LRRTM3: variants seen among roughly 807,000 people sequenced by gnomAD.
The protein encoded by LRRTM3 is leucine-rich repeat transmembrane neuronal protein 3.
LRRTM3 carries 24 observed loss-of-function variants against 44.7 expected under a neutral mutation model. That is an observed-to-expected ratio of 0.54 (90% CI 0.39 to 0.76). The LOEUF (loss-of-function observed/expected upper bound fraction) is 0.76, where lower values mean the gene tolerates loss of function less well. LRRTM3 is among the 30% of genes least tolerant of loss of function. The probability of loss-of-function intolerance (pLI) is 0.00; values close to 1 mark genes in which losing one functional copy is unlikely to be tolerated. For missense variants in LRRTM3, 587 were observed against 702.2 expected, an observed-to-expected ratio of 0.84 and a Z score of 1.85; for synonymous variants, 277 against 278.7, an observed-to-expected ratio of 0.99 and a Z score of 0.06.
At position 67,098,693 on chromosome 10, in the gene LRRTM3, T is replaced by A. The variant is rs1858157341; in HGVS notation, c.*897T>A. 1 of 152,330 alleles carries A rather than the reference T, an allele frequency of 6.6e-6. No homozygotes were observed. The highest frequency in any genetic ancestry group is 1.5e-5 in the Non-Finnish European group (1 of 67,928). The allele number at this position is 152,330 out of a possible 1,614,324, so 9.4% of individuals were successfully genotyped here. A position where few individuals can be genotyped will look rare whatever the true frequency, so the allele number is the denominator to read the frequency against. On this transcript the variant is annotated 3_prime_UTR_variant, in exon 3 of 3. Transcript: ENST00000361320. ...GCTGTAACCACAGCAACAGACTTTGTGATACAGTTAAAAGGTGCAGCTGCC... is the reference window on the plus strand; with the variant it reads ...GCTGTAACCACAGCAACAGACTTTGAGATACAGTTAAAAGGTGCAGCTGCC...
chr10:66,936,425 C>T (rs1340526338), intron 2 of LRRTM3, among the ~76,000 whole-genome samples: 1 of 151,956 alleles, frequency 6.6e-6, no homozygotes, highest in Non-Finnish European at 1.5e-5. Flanking sequence ...GCTGACATTC[C>T]TTCTATTTTC....
intron 2 of LRRTM3, among the ~76,000 whole-genome samples, chr10:67,022,708 C>T (rs1008807907): frequency 4.6e-5 from 7 of 152,150 alleles, no homozygotes; most frequent in Admixed American, 6.5e-5. Context: ...GAGGCCGAGG[C>T]GGGCAGATCA....
intron 2 of LRRTM3, among the ~76,000 whole-genome samples, chr10:67,091,597 C>T (rs934112265): frequency 3.3e-5 from 5 of 151,616 alleles, no homozygotes; most frequent in African/African-American, 9.7e-5. Context: ...TTATAAATGC[C>T]CAGTTTTATT....
At chr10:67,082,146 A>G (rs965120243) in intron 2 of LRRTM3, among the ~76,000 whole-genome samples, 3 of 152,174 alleles carry the variant, frequency 2.0e-5, no homozygotes, top group African/African-American at 4.8e-5. Flanking sequence ...TAAAATTAAA[A>G]AACAGAGAAT....
At chr10:66,952,221 T>C (rs1418949269) in intron 2 of LRRTM3, among the ~76,000 whole-genome samples, 1 of 152,102 alleles carries the variant, frequency 6.6e-6, no homozygotes. Flanking sequence ...AGATCCAAAA[T>C]GAAAAGAATA....
At chr10:66,981,244 C>T (rs1850423330) in intron 2 of LRRTM3, among the ~76,000 whole-genome samples, 1 of 152,158 alleles carries the variant, frequency 6.6e-6, no homozygotes, top group Non-Finnish European at 1.5e-5. Flanking sequence ...AATCAATATC[C>T]TGACTACAGT....
chr10:66,956,740 T>A (rs1299342442), intron 2 of LRRTM3, among the ~76,000 whole-genome samples: 1 of 152,186 alleles, frequency 6.6e-6, no homozygotes, highest in African/African-American at 2.4e-5. Context: ...TCCAAAGTGG[T>A]TGCTTAACTG....
At chr10:67,072,110 G>T (rs1211182591) in intron 2 of LRRTM3, among the ~76,000 whole-genome samples, 1 of 152,032 alleles carries the variant, frequency 6.6e-6, no homozygotes, top group African/African-American at 2.4e-5. Context: ...GCACCACCAA[G>T]CCCAGCTAAT....
chr10:67,084,437 AG>A (rs1473213165), intron 2 of LRRTM3, among the ~76,000 whole-genome samples: 1 of 151,976 alleles, frequency 6.6e-6, no homozygotes, highest in Non-Finnish European at 1.5e-5. Flanking sequence ...TCTGAAGTGG[AG>A]AACCAAATAT....
intron 2 of LRRTM3, among the ~76,000 whole-genome samples, chr10:66,971,358 G>C (rs749494877): frequency 6.6e-6 from 1 of 152,054 alleles, no homozygotes; most frequent in South Asian, 2.1e-4. Flanking sequence ...CCCGGGAGGC[G>C]GAGGTTGCAG....
intron 2 of LRRTM3, among the ~76,000 whole-genome samples, chr10:67,088,152 A>G (rs1379412708): frequency 6.6e-6 from 1 of 151,490 alleles, no homozygotes; most frequent in Non-Finnish European, 1.5e-5. Context: ...GAGATAAGAA[A>G]TGCTTTTCCT....
At chr10:67,044,259 A>G (rs958289300) in intron 2 of LRRTM3, among the ~76,000 whole-genome samples, 2 of 152,182 alleles carry the variant, frequency 1.3e-5, no homozygotes, top group African/African-American at 4.8e-5. Context: ...CAGAAATCCA[A>G]TTGATTATAG....
chr10:67,030,068 A>G (rs913545416), intron 2 of LRRTM3, among the ~76,000 whole-genome samples: 1 of 152,244 alleles, frequency 6.6e-6, no homozygotes, highest in Non-Finnish European at 1.5e-5. Context: ...ACAATCTTGT[A>G]ATAATCATAT....
At chr10:66,954,468 A>G (rs1039531172) in intron 2 of LRRTM3, among the ~76,000 whole-genome samples, 4 of 152,280 alleles carry the variant, frequency 2.6e-5, no homozygotes, top group Non-Finnish European at 4.4e-5. Flanking sequence ...TGTACAGGAG[A>G]GCATGTTGTG....
chr10:67,045,155 C>T (rs1426602136), intron 2 of LRRTM3, among the ~76,000 whole-genome samples: 2 of 152,100 alleles, frequency 1.3e-5, no homozygotes, highest in African/African-American at 2.4e-5. Flanking sequence ...CTGAAGCATA[C>T]AACAAAATAC....
chr10:67,090,240 G>T (rs937231905), intron 2 of LRRTM3, among the ~76,000 whole-genome samples: 1 of 152,038 alleles, frequency 6.6e-6, no homozygotes, highest in African/African-American at 2.4e-5. Context: ...GTCAATATGT[G>T]TGTAGTAAGA....
chr10:67,050,280 C>A (rs1428582825), intron 2 of LRRTM3, among the ~76,000 whole-genome samples: 1 of 152,210 alleles, frequency 6.6e-6, no homozygotes, highest in Non-Finnish European at 1.5e-5. Context: ...AAATATCAAA[C>A]AATTTACATA....
chr10:66,929,196 G>T (rs943125143), intron 2 of LRRTM3, among the ~76,000 whole-genome samples: 3 of 152,120 alleles, frequency 2.0e-5, no homozygotes, highest in African/African-American at 7.2e-5. Flanking sequence ...CAGACTAGAG[G>T]TTTCACTGCC....
intron 2 of LRRTM3, among the ~76,000 whole-genome samples, chr10:66,938,231 C>T (rs919566024): frequency 7.0e-4 from 106 of 152,088 alleles, no homozygotes; most frequent in Admixed American, 1.3e-4. Flanking sequence ...TACCATTTAA[C>T]GGGCTTCAAA....
Sources: allele counts gnomAD v4.1 joint callset (sites outside exome capture counted in the v4.1 genomes callset), GRCh38; gene constraint gnomAD v4.1.1; transcripts MANE v1.5; gene names NCBI Gene and HGNC (gene_info 2026-07-23, HGNC 2026-07-21).